The following JADE3 variants were observed in gnomAD, a reference collection of about 807,000 sequenced individuals.
JADE3 encodes jade family PHD finger 3.
In JADE3, 2 loss-of-function variants were observed where a neutral mutation model predicts 50.1. The observed-to-expected ratio is 0.04, with a 90% confidence interval of 0.02 to 0.13. The LOEUF (loss-of-function observed/expected upper bound fraction) is 0.13, where lower values mean the gene tolerates loss of function less well. Ranked by LOEUF, JADE3 falls within the 10% of genes least tolerant of loss-of-function variation. The probability of loss-of-function intolerance (pLI) is 1.00; values close to 1 mark genes in which losing one functional copy is unlikely to be tolerated. For synonymous variants in JADE3, 218 were observed against 232.9 expected (o/e 0.94, Z 0.58); for missense variants, 475 against 634.4 (o/e 0.75, Z 2.70).
At chrX:46,978,195 C>T (rs782047006) in intron 1 of JADE3, among the ~76,000 whole-genome samples, 4 of 111,517 alleles carry the variant, frequency 3.6e-5, no homozygotes, top group Admixed American at 9.6e-5. Flanking sequence ...TAACACCTAA[C>T]GATAGCTGAT....
At chrX:47,021,682 T>C (rs1255807817) in intron 4 of JADE3, among the ~76,000 whole-genome samples, 2 of 112,565 alleles carry the variant, frequency 1.8e-5, no homozygotes, top group African/African-American at 6.5e-5. Flanking sequence ...TGCATTTCCG[T>C]GATAACTAAT....
chrX:46,943,666 A>G (rs990841616), intron 1 of JADE3, among the ~76,000 whole-genome samples: 1 of 111,487 alleles, frequency 9.0e-6, no homozygotes, highest in African/African-American at 3.3e-5. Flanking sequence ...ATTTTGGCCT[A>G]TAGTTTTCTT....
intron 1 of JADE3, among the ~76,000 whole-genome samples, chrX:46,981,166 C>T (rs1471633904): frequency 8.9e-6 from 1 of 112,074 alleles, no homozygotes; most frequent in Admixed American, 9.5e-5. Flanking sequence ...AAAATCCTGA[C>T]CCACTAAACT....
chrX:47,001,240 T>G (rs1928278814), intron 4 of JADE3, among the ~76,000 whole-genome samples: 1 of 111,489 alleles, frequency 9.0e-6, no homozygotes, highest in Non-Finnish European at 1.9e-5. Flanking sequence ...TGCATCAGAA[T>G]CATTTGGAGG....
chrX:47,043,680 G>A (rs1450554776), intron 8 of JADE3, among the ~76,000 whole-genome samples: 2 of 110,133 alleles, frequency 1.8e-5, no homozygotes, highest in Admixed American at 1.9e-4. Flanking sequence ...TTAGCCAGGT[G>A]TGGTGGTGGG....
At chrX:46,970,400 C>T (rs1927458408) in intron 1 of JADE3, among the ~76,000 whole-genome samples, 1 of 111,982 alleles carries the variant, frequency 8.9e-6, no homozygotes, top group Non-Finnish European at 1.9e-5. Flanking sequence ...AGTAACCCTC[C>T]TTCATGTCAC....
chrX:46,949,404 T>C (rs1033052582), intron 1 of JADE3, among the ~76,000 whole-genome samples: 1 of 112,096 alleles, frequency 8.9e-6, no homozygotes, highest in Admixed American at 9.5e-5. Context: ...GGTGTGCACA[T>C]GTTAAGTAAG....
At chrX:46,942,690 G>T (rs928005910) in intron 1 of JADE3, among the ~76,000 whole-genome samples, 59 of 111,160 alleles carry the variant, frequency 5.3e-4, no homozygotes, top group Admixed American at 4.4e-3. Flanking sequence ...GCTCTTTTTT[G>T]TTGTTGTTGT....
rs377152792 is a variant in JADE3 at position 46,926,977 on chromosome X, G to A, written c.-12+14258G>A. Among the ~76,000 whole-genome samples, 71 of 112,398 alleles carry A rather than the reference G, an allele frequency of 6.3e-4. No homozygotes were observed. In the South Asian group the frequency reaches 0.023, roughly 37 times the overall value. ...CCGCTATAAAAATTCATGTACATGT[G>A]TTTGTGTGCATATAAGTTTGCATTT... On this transcript the variant is annotated intron_variant, in intron 1 of 10. Transcript: ENST00000614628.
intron 1 of JADE3, among the ~76,000 whole-genome samples, chrX:46,977,565 T>C (rs1208292436): frequency 7.1e-5 from 8 of 112,387 alleles, no homozygotes; most frequent in African/African-American, 2.3e-4. Flanking sequence ...AGCACTCTGC[T>C]GTACAAAAGA....
intron 4 of JADE3, among the ~76,000 whole-genome samples, chrX:47,010,904 C>T (rs1310059403): frequency 1.8e-5 from 2 of 111,583 alleles, no homozygotes; most frequent in East Asian, 2.8e-4. Flanking sequence ...TCAGGGTTGA[C>T]GTCTGGTGAG....
chrX:47,014,161 C>T (rs1556362356), intron 4 of JADE3, among the ~76,000 whole-genome samples: 1 of 112,263 alleles, frequency 8.9e-6, no homozygotes, highest in Non-Finnish European at 1.9e-5. Context: ...GCTGATCTGG[C>T]TGTAACCAGT....
At chrX:46,968,606 T>A (rs782322809) in intron 1 of JADE3, among the ~76,000 whole-genome samples, 2 of 110,055 alleles carry the variant, frequency 1.8e-5, no homozygotes, top group Non-Finnish European at 3.8e-5. Context: ...AAAAAAAATA[T>A]CATGCAAACA....
intron 8 of JADE3, among the ~76,000 whole-genome samples, chrX:47,046,620 A>T (rs1929383078): frequency 1.8e-5 from 2 of 112,600 alleles, no homozygotes; most frequent in Admixed American, 1.9e-4. Flanking sequence ...ACATTGATGC[A>T]GAAATCCTCA....
intron 1 of JADE3, among the ~76,000 whole-genome samples, chrX:46,913,894 G>C (rs1556335752): frequency 9.0e-6 from 1 of 110,585 alleles, no homozygotes; most frequent in Non-Finnish European, 1.9e-5. Flanking sequence ...CGAGTTGTTT[G>C]TGTGTGTGTG....
chrX:47,036,021 G>A (rs1399085660), intron 7 of JADE3, among the ~76,000 whole-genome samples: 2 of 110,347 alleles, frequency 1.8e-5, no homozygotes, highest in African/African-American at 6.6e-5. Context: ...GTGCATGCCT[G>A]TAGTCCCAGA....
At chrX:47,016,459 A>G (rs1928679152) in intron 4 of JADE3, among the ~76,000 whole-genome samples, 1 of 111,638 alleles carries the variant, frequency 9.0e-6, no homozygotes, top group Admixed American at 9.5e-5. Flanking sequence ...CAGACAGTTC[A>G]GGACTCCAAG....
At chrX:46,935,682 G>A (rs1166421941) in intron 1 of JADE3, among the ~76,000 whole-genome samples, 15 of 110,427 alleles carry the variant, frequency 1.4e-4, no homozygotes, top group African/African-American at 2.3e-4. Flanking sequence ...CCCTTCCCCC[G>A]TCCGTGGAAA....
chrX:46,943,667 T>C (rs781949121), intron 1 of JADE3, among the ~76,000 whole-genome samples: 6 of 111,802 alleles, frequency 5.4e-5, no homozygotes, highest in African/African-American at 1.9e-4. Context: ...TTTTGGCCTA[T>C]AGTTTTCTTT....
Sources: allele counts gnomAD v4.1 joint callset (sites outside exome capture counted in the v4.1 genomes callset), GRCh38; gene constraint gnomAD v4.1.1; transcripts MANE v1.5; gene names NCBI Gene and HGNC (gene_info 2026-07-23, HGNC 2026-07-21).